The following CNIH3 variants were observed in gnomAD, a reference collection of about 807,000 sequenced individuals.
The protein encoded by CNIH3 is protein cornichon homolog 3.
A neutral mutation model predicts 24.1 loss-of-function variants in CNIH3; 14 were observed. That is an observed-to-expected ratio of 0.58 (90% CI 0.38 to 0.91). CNIH3 has a LOEUF of 0.91. Ranked by LOEUF, CNIH3 falls within the 40% of genes least tolerant of loss-of-function variation. The pLI, the probability that CNIH3 is intolerant of heterozygous loss-of-function variation, is 0.00. For synonymous variants in CNIH3, 68 were observed against 73.8 expected (o/e 0.92, Z 0.40); for missense variants, 178 against 196.8 (o/e 0.90, Z 0.57).
At chr1:224,462,981 A>T (rs1432324027) in intron 1 of CNIH3, among the ~76,000 whole-genome samples, 1 of 142,764 alleles carries the variant, frequency 7.0e-6, no homozygotes, top group African/African-American at 2.6e-5. Flanking sequence ...GCTCACTGCA[A>T]CCTGCACCTC....
At chr1:224,657,428 A>AGAGAGAGAGC (rs1685149759) in intron 1 of CNIH3, among the ~76,000 whole-genome samples, 1 of 152,144 alleles carries the variant, frequency 6.6e-6, no homozygotes, top group Non-Finnish European at 1.5e-5. Flanking sequence ...AGAGAGAGAG[A>AGAGAGAGAGC]GAGAGAAATA....
At chr1:224,488,849 C>T (rs1311653030) in intron 1 of CNIH3, among the ~76,000 whole-genome samples, 1 of 152,044 alleles carries the variant, frequency 6.6e-6, no homozygotes. Flanking sequence ...TTTCTATTTA[C>T]CTGCTGACAA....
In CNIH3 at chr1:224,730,785, C is replaced by T. The variant is rs996113499; in HGVS notation, c.311+211C>T. The T allele has an allele frequency of 1.4e-5, 7 of 513,226 alleles. No homozygotes were observed. In the South Asian group the frequency reaches 1.6e-4, roughly 11 times the overall value. The allele number at this position is 513,226 out of a possible 1,614,324, so 31.8% of individuals were successfully genotyped here. ...TTTTGTTGGTTTCATTAACCACAAC[C>T]CCATCCCTTGTAGGTCAGTGTTAAA... On this transcript the variant is annotated intron_variant, in intron 4 of 5. Transcript: ENST00000272133.
chr1:224,691,001 G>A (rs1686904501), intron 3 of CNIH3, among the ~76,000 whole-genome samples: 1 of 152,246 alleles, frequency 6.6e-6, no homozygotes, highest in African/African-American at 2.4e-5. Context: ...TGAACCCACT[G>A]CACAAATTCC....
downstream of CNIH3, among the ~76,000 whole-genome samples, chr1:224,588,881 G>A (rs896207833): frequency 7.7e-6 from 1 of 130,276 alleles, no homozygotes; most frequent in Non-Finnish European, 1.6e-5. Flanking sequence ...TGGGAGTAAA[G>A]GCTGGCCTTC....
intron 1 of CNIH3, among the ~76,000 whole-genome samples, chr1:224,676,874 G>T (rs973740204): frequency 3.3e-5 from 5 of 152,182 alleles, no homozygotes; most frequent in Non-Finnish European, 7.4e-5. Flanking sequence ...AGTGCTAAGT[G>T]GGGGGTAGCC....
chr1:224,711,794 CAAAAA>C lies in CNIH3; in HGVS notation c.199-18648_199-18644del, dbSNP rs11437581. On this transcript the variant is annotated intron_variant, in intron 3 of 5. Transcript: ENST00000272133. ...TGGGTGACAGAGCCAGACCCTGTCT[CAAAAA>C]AAAAAAAAAAAAAAAAAAAGAACCA... Among the ~76,000 whole-genome samples the C allele has an allele frequency of 1.1e-4, 7 of 65,666 alleles. No homozygotes were observed. In the South Asian group the frequency reaches 1.9e-3, roughly 18 times the overall value. 43.1% of individuals were successfully genotyped at this position (65,666 alleles called of 152,430 possible).
chr1:224,486,180 A>T (rs1262733884), intron 1 of CNIH3, among the ~76,000 whole-genome samples: 2 of 152,084 alleles, frequency 1.3e-5, no homozygotes, highest in Non-Finnish European at 2.9e-5. Context: ...ATCACGGCTT[A>T]CTGCAGCCTC....
intron 1 of CNIH3, among the ~76,000 whole-genome samples, chr1:224,644,493 A>G (rs1041510639): frequency 1.3e-5 from 2 of 152,162 alleles, no homozygotes; most frequent in African/African-American, 4.8e-5. Flanking sequence ...GTCTGAGGCG[A>G]TGTCTGGCTC....
intron 3 of CNIH3, among the ~76,000 whole-genome samples, chr1:224,605,443 T>C (rs1046355256): frequency 1.3e-5 from 2 of 152,240 alleles, no homozygotes; most frequent in African/African-American, 4.8e-5. Flanking sequence ...ATGTAGTTTA[T>C]ACTTTAAATA....
At chr1:224,487,338 GA>G (rs1269179410) in intron 1 of CNIH3, among the ~76,000 whole-genome samples, 1 of 152,190 alleles carries the variant, frequency 6.6e-6, no homozygotes, top group Non-Finnish European at 1.5e-5. Context: ...TAAACAGATG[GA>G]GAGAAGTGCT....
intron 2 of CNIH3, among the ~76,000 whole-genome samples, chr1:224,535,808 C>CAA (rs1346611079): frequency 6.6e-6 from 1 of 152,152 alleles, no homozygotes; most frequent in Middle Eastern, 3.2e-3. Flanking sequence ...GGAGGCAGGG[C>CAA]AAGGGCCTAT....
chr1:224,602,992 C>G (rs1157764903), intron 3 of CNIH3, among the ~76,000 whole-genome samples: 1 of 152,108 alleles, frequency 6.6e-6, no homozygotes, highest in African/African-American at 2.4e-5. Flanking sequence ...AAAAGCAACA[C>G]AAAACCACAG....
At chr1:224,675,480 T>C (rs1435934269) in intron 1 of CNIH3, among the ~76,000 whole-genome samples, 2 of 152,166 alleles carry the variant, frequency 1.3e-5, no homozygotes, top group African/African-American at 2.4e-5. Flanking sequence ...GATAAACTAG[T>C]TGAAATGAAA....
In CNIH3 at chr1:224,616,629, C is replaced by G; in HGVS notation, c.-546C>G. 44 of 987,430 alleles carry G rather than the reference C, an allele frequency of 4.5e-5. No homozygotes were observed. Among genetic ancestry groups the G allele is most frequent in the Non-Finnish European group, 5.3e-5 (44 of 831,426 alleles). The allele number at this position is 987,430 out of a possible 1,614,324, so 61.2% of individuals were successfully genotyped here. Reference sequence around the variant, plus strand: ...AAAGACTCCTTCTCTCGGGAAAGAGCGCTGCCCGGCTCTGGGATTTGGGAG... The same window carrying G: ...AAAGACTCCTTCTCTCGGGAAAGAGGGCTGCCCGGCTCTGGGATTTGGGAG... On this transcript the variant is annotated 5_prime_UTR_variant, in exon 1 of 6. Transcript: ENST00000272133.
At chr1:224,678,510 A>G (rs1225829177) in intron 1 of CNIH3, among the ~76,000 whole-genome samples, 1 of 152,196 alleles carries the variant, frequency 6.6e-6, no homozygotes, top group Non-Finnish European at 1.5e-5. Context: ...GTGGTGGACA[A>G]TCAGGATGAT....
At chr1:224,469,421 T>C (rs907649662) in intron 1 of CNIH3, among the ~76,000 whole-genome samples, 6 of 152,312 alleles carry the variant, frequency 3.9e-5, no homozygotes, top group African/African-American at 9.6e-5. Context: ...ATGGGTTATA[T>C]TGACTGATTT....
downstream of CNIH3, among the ~76,000 whole-genome samples, chr1:224,589,669 C>A (rs1681666297): frequency 6.6e-6 from 1 of 152,158 alleles, no homozygotes; most frequent in South Asian, 2.1e-4. Context: ...AACTCCCCAG[C>A]CCCAGGGAAA....
intron 1 of CNIH3, among the ~76,000 whole-genome samples, chr1:224,449,398 T>C (rs1324340015): frequency 6.6e-6 from 1 of 152,202 alleles, no homozygotes; most frequent in African/African-American, 2.4e-5. Flanking sequence ...CCACTAATAG[T>C]TTGGGTTTAC....
Sources: gnomAD v4.1 joint callset for allele counts (sites outside exome capture counted in the v4.1 genomes callset) on GRCh38, gnomAD v4.1.1 for gene constraint, MANE v1.5 for transcripts, NCBI Gene and HGNC (gene_info 2026-07-23, HGNC 2026-07-21) for gene names.